Variants in EYS observed in about 807,000 individuals in gnomAD.
The protein encoded by EYS is EGF-like photoreceptor maintenance factor, also known as protein eyes shut homolog.
EYS carries 250 observed loss-of-function variants against 282.1 expected under a neutral mutation model. The observed-to-expected ratio is 0.89, with a 90% CI of 0.80 to 0.98. EYS has a LOEUF of 0.98. Ranked by LOEUF, EYS falls within the 50% of genes least tolerant of loss-of-function variation. The pLI is 0.00. For synonymous variants in EYS, 1,355 were observed against 1,282.9 expected (o/e 1.06, Z -1.20); for missense variants, 4,016 against 3,709.0 (o/e 1.08, Z -2.15).
chr6:65,151,108 T>A (rs894072206), intron 12 of EYS, among the ~76,000 whole-genome samples: 4 of 151,964 alleles, frequency 2.6e-5, no homozygotes, highest in East Asian at 1.9e-4. Context: ...TTTTTGACAA[T>A]GATTACATAA....
At chr6:65,371,084 T>G (rs1765125614) in intron 8 of EYS, among the ~76,000 whole-genome samples, 1 of 151,698 alleles carries the variant, frequency 6.6e-6, no homozygotes, top group South Asian at 2.1e-4. Context: ...TCTCCATGAG[T>G]TCTGCATCCA....
intron 5 of EYS, among the ~76,000 whole-genome samples, chr6:65,449,443 C>A (rs1185274742): frequency 6.6e-6 from 1 of 151,982 alleles, no homozygotes; most frequent in Non-Finnish European, 1.5e-5. Context: ...GGGTTGTTAT[C>A]TTTCTCAAAC....
At chr6:64,004,605 C>T (rs1036508156) in intron 33 of EYS, among the ~76,000 whole-genome samples, 4 of 152,072 alleles carry the variant, frequency 2.6e-5, no homozygotes, top group Non-Finnish European at 5.9e-5. Flanking sequence ...TGTCATCATC[C>T]TCCCACCCTC....
At position 63,765,835 on chromosome 6, in the gene EYS, C is replaced by G. The variant is rs139419585; in HGVS notation, c.7899-3202G>C. Among the ~76,000 whole-genome samples, 68 of 152,106 alleles carry G rather than the reference C, an allele frequency of 4.5e-4. 1 individual carries two copies. In the Middle Eastern group the frequency reaches 0.01, roughly 23 times the overall value. ...AGCCTCTAGTGACCATCCTTCTGCTCTCTATCTCCATGAGTTCAACTGTTT... is the reference window on the plus strand; with the variant it reads ...AGCCTCTAGTGACCATCCTTCTGCTGTCTATCTCCATGAGTTCAACTGTTT... On this transcript the variant is annotated intron_variant, in intron 40 of 42. Coordinates refer to ENST00000503581, the MANE Select transcript of EYS (RefSeq NM_001142800.2).
intron 29 of EYS, among the ~76,000 whole-genome samples, chr6:64,311,980 T>TTTTTG (rs1554142340): frequency 8.0e-5 from 1 of 12,450 alleles, no homozygotes; most frequent in African/African-American, 4.5e-4. Context: ...CTGCAGAAGG[T>TTTTTG]TTTTTTTTTT....
intron 26 of EYS, among the ~76,000 whole-genome samples, chr6:64,480,195 A>T (rs1776395823): frequency 6.6e-6 from 1 of 151,906 alleles, no homozygotes; most frequent in African/African-American, 2.4e-5. Flanking sequence ...TTGAAGTCTG[A>T]TATCTTATAC....
At chr6:64,096,796 G>A (rs576653817) in intron 31 of EYS, among the ~76,000 whole-genome samples, 17 of 152,312 alleles carry the variant, frequency 1.1e-4, no homozygotes, top group Admixed American at 3.9e-4. Context: ...TGCTGGTGAC[G>A]AGCTGCATTC....
chr6:65,065,115 T>C (rs1373356155), intron 12 of EYS, among the ~76,000 whole-genome samples: 1 of 152,096 alleles, frequency 6.6e-6, no homozygotes, highest in Non-Finnish European at 1.5e-5. Context: ...AGCCTTCAGG[T>C]GTCTAATAAC....
chr6:64,124,149 T>C (rs1302017724), intron 31 of EYS, among the ~76,000 whole-genome samples: 1 of 152,226 alleles, frequency 6.6e-6, no homozygotes, highest in Non-Finnish European at 1.5e-5. Flanking sequence ...TGTAGTGTCT[T>C]ATTTTCATTT....
rs73741597 is a variant in EYS at position 65,478,339 on chromosome 6, G to C, written c.862+12255C>G. 5.6e-3 allele frequency among the ~76,000 whole-genome samples: 854 copies of C among 152,180 alleles called. 11 individuals carry two copies. Among genetic ancestry groups the C allele is most frequent in the African/African-American group, 0.02 (811 of 41,526 alleles). On this transcript the variant is annotated intron_variant, in intron 5 of 42. Coordinates refer to ENST00000503581, the MANE Select transcript of EYS (RefSeq NM_001142800.2). Reference sequence around the variant, plus strand: ...ATAGACATAAATTACATAAACACCTGAATGCCATAAAAAGGATACTGGATT... The same window carrying C: ...ATAGACATAAATTACATAAACACCTCAATGCCATAAAAAGGATACTGGATT...
chr6:64,232,790 AAT>A, intron 30 of EYS, among the ~76,000 whole-genome samples: 1 of 151,840 alleles, frequency 6.6e-6, no homozygotes, highest in African/African-American at 2.4e-5. Context: ...TTTTATAAAT[AAT>A]ATAAGTTCTA....
chr6:64,925,853 G>A (rs548586032), intron 15 of EYS, among the ~76,000 whole-genome samples: 2 of 152,252 alleles, frequency 1.3e-5, no homozygotes, highest in South Asian at 2.1e-4. Flanking sequence ...CTGCATGTGG[G>A]CCCCTAATGG....
intron 29 of EYS, among the ~76,000 whole-genome samples, chr6:64,373,375 C>G (rs560199275): frequency 1.1e-3 from 163 of 152,302 alleles, no homozygotes; most frequent in Non-Finnish European, 1.9e-3. Flanking sequence ...TTCTTTTGTT[C>G]TGGCCCACAA....
intron 22 of EYS, among the ~76,000 whole-genome samples, chr6:64,669,906 C>A (rs897250288): frequency 6.6e-6 from 1 of 152,230 alleles, no homozygotes; most frequent in South Asian, 2.1e-4. Context: ...CTCAGCTTAA[C>A]GTTAGATAGG....
chr6:64,325,843 T>G (rs2150387253), intron 29 of EYS, among the ~76,000 whole-genome samples: 1 of 152,100 alleles, frequency 6.6e-6, no homozygotes. Context: ...GTTTTTGAAC[T>G]AAATCTAAAA....
At chr6:65,226,029 C>T (rs2150263613) in intron 12 of EYS, among the ~76,000 whole-genome samples, 1 of 151,542 alleles carries the variant, frequency 6.6e-6, no homozygotes, top group East Asian at 1.9e-4. Context: ...AGACAGAAAA[C>T]TATGCAAGAA....
At chr6:63,927,230 C>T (rs1326586886) in intron 35 of EYS, among the ~76,000 whole-genome samples, 1 of 152,130 alleles carries the variant, frequency 6.6e-6, no homozygotes, top group African/African-American at 2.4e-5. Context: ...ACGAGATTAT[C>T]TATGCATGTC....
chr6:65,487,077 C>T (rs768404212), intron 5 of EYS, among the ~76,000 whole-genome samples: 1 of 152,090 alleles, frequency 6.6e-6, no homozygotes, highest in African/African-American at 2.4e-5. Context: ...ATTTTGGGCT[C>T]AGACAATGGG....
In EYS at chr6:64,688,056, G is replaced by A. The variant is rs369635967; in HGVS notation, c.3444-61811C>T. On this transcript the variant is annotated intron_variant, in intron 22 of 42. Coordinates refer to ENST00000503581, the MANE Select transcript of EYS (RefSeq NM_001142800.2). ...TCTAATGGTAGTTTGTATCTCTGTG[G>A]GATCGGTGGTGGTATCCCCTTTATC... 1.4e-4 allele frequency among the ~76,000 whole-genome samples: 21 copies of A among 151,678 alleles called. No individual in the cohort carries two copies. In the South Asian group the frequency reaches 4.4e-3, roughly 32 times the overall value.
Sources: allele counts gnomAD v4.1 joint callset (sites outside exome capture counted in the v4.1 genomes callset), GRCh38; gene constraint gnomAD v4.1.1; transcripts MANE v1.5; gene names NCBI Gene and HGNC (gene_info 2026-07-23, HGNC 2026-07-21).